The following RBM11 variants were observed in gnomAD, a reference collection of about 807,000 sequenced individuals.
RBM11 encodes splicing regulator RBM11.
Under a neutral mutation model 21.4 loss-of-function variants are expected in RBM11, and 18 were observed. The ratio of observed to expected loss-of-function variants is 0.84; its 90% CI spans 0.58 to 1.25. The LOEUF is 1.25. RBM11 is among the 50% of genes most tolerant of loss of function. The probability of loss-of-function intolerance (pLI) is 0.00; values close to 1 mark genes in which losing one functional copy is unlikely to be tolerated. For synonymous variants in RBM11, 120 were observed against 116.3 expected (o/e 1.03, Z -0.20); for missense variants, 294 against 331.9 (o/e 0.89, Z 0.89).
At chr21:14,225,911 C>T (rs1423541991) in intron 4 of RBM11, among the ~76,000 whole-genome samples, 3 of 151,920 alleles carry the variant, frequency 2.0e-5, no homozygotes, top group East Asian at 1.9e-4. Flanking sequence ...AATATGGGGG[C>T]AATTTGCCAC....
At chr21:14,217,396 G>A (rs890238728) in intron 1 of RBM11, among the ~76,000 whole-genome samples, 1 of 152,102 alleles carries the variant, frequency 6.6e-6, no homozygotes, top group Non-Finnish European at 1.5e-5. Flanking sequence ...GGAAAGTTCC[G>A]AGGGAGGCAA....
At position 14,228,058 on chromosome 21, in the gene RBM11, G is replaced by C. The variant is rs1464343013; in HGVS notation, c.*765G>C. 3 of 152,146 alleles carry C rather than the reference G, an allele frequency of 2.0e-5. No homozygotes were observed. The highest frequency in any genetic ancestry group is 2.9e-5 in the Non-Finnish European group (2 of 68,020). The allele number at this position is 152,146 out of a possible 1,614,324, so 9.4% of individuals were successfully genotyped here. On this transcript the variant is annotated 3_prime_UTR_variant, in exon 5 of 5. Coordinates refer to ENST00000400577, the MANE Select transcript of RBM11 (RefSeq NM_144770.5). ...ATATTAACATTTAAATCATGAAAAT[G>C]AGCAAGTAAATAGAATAATATTTTA...
Position 14,225,970 on chromosome 21 carries a change from AT to A in RBM11, c.433-907del, listed in dbSNP as rs774558056. The stretch of plus-strand genomic sequence containing the variant: ...TTAAAATTTTATTTAATTTTAATTA[AT>A]TTAAATTAAAATTTAAAACCGATAC... On this transcript the variant is annotated intron_variant, in intron 4 of 4. Transcript: ENST00000400577. Among the ~76,000 whole-genome samples the A allele has an allele frequency of 3.9e-5, 6 of 152,116 alleles. No homozygotes were observed. In the East Asian group the frequency reaches 1.2e-3, roughly 29 times the overall value.
intron 4 of RBM11, among the ~76,000 whole-genome samples, chr21:14,226,665 C>A (rs1979113954): frequency 1.3e-5 from 2 of 151,410 alleles, no homozygotes; most frequent in Admixed American, 1.3e-4. Flanking sequence ...TTGGATAGCA[C>A]TAATCTATAT....
intron 3 of RBM11, 136 bp downstream of exon 3, chr21:14,221,305 C>A: frequency 9.4e-7 from 1 of 1,064,808 alleles, no homozygotes; most frequent in Non-Finnish European, 1.2e-6. Flanking sequence ...CTTTTTTTTC[C>A]GAGCCCATGA....
chr21:14,221,191 A>G, intron 3 of RBM11, 22 bp downstream of exon 3: 2 of 1,527,938 alleles, frequency 1.3e-6, no homozygotes, highest in Non-Finnish European at 1.8e-6. Context: ...AATATTTCTC[A>G]TCAAAGGTAA....
chr21:14,226,634 AAC>A (rs1555870114), intron 4 of RBM11, among the ~76,000 whole-genome samples: 8 of 149,906 alleles, frequency 5.3e-5, no homozygotes, highest in East Asian at 1.9e-4. Context: ...AAAAAAAAAA[AAC>A]AAACAAAAAC....
chr21:14,222,905 G>C (rs384358), intron 3 of RBM11, among the ~76,000 whole-genome samples: 9 of 151,316 alleles, frequency 5.9e-5, no homozygotes, highest in African/African-American at 9.7e-5. Context: ...TAGCATAAAG[G>C]GGGGGAAGCA....
intron 1 of RBM11, among the ~76,000 whole-genome samples, chr21:14,216,701 C>G (rs1355026803): frequency 1.3e-5 from 2 of 152,068 alleles, no homozygotes; most frequent in Non-Finnish European, 2.9e-5. Context: ...TCCTTCAAGC[C>G]CTTTTATGCG....
At position 14,221,188 on chromosome 21, in the gene RBM11, CT is replaced by C. The variant is rs1425482496; in HGVS notation, c.332+20del. ...ACTACAGGTAATTTTAAAAATATTT[CT>C]CATCAAAGGTAAAGCAAATATATTT... On this transcript the variant is annotated intron_variant, in intron 3 of 4. Coordinates refer to ENST00000400577, the MANE Select transcript of RBM11 (RefSeq NM_144770.5). The C allele has an allele frequency of 6.5e-7, 1 of 1,531,670 alleles. No homozygotes were observed. The highest frequency in any genetic ancestry group is 8.8e-7 in the Non-Finnish European group (1 of 1,140,796). The allele number at this position is 1,531,670 out of a possible 1,614,324, so 94.9% of individuals were successfully genotyped here.
rs990719911 is a variant in RBM11 at position 14,219,501 on chromosome 21, CTTAT to C, written c.97-59_97-56del. On this transcript the variant is annotated intron_variant, in intron 1 of 4. Transcript: ENST00000400577. Reference sequence around the variant, plus strand: ...TTTCTTTAGTCTAAAGTTGAATTTACTTATTTGAGTATAAAAAAAATCTTTGGAT... The same window carrying C: ...TTTCTTTAGTCTAAAGTTGAATTTACTTGAGTATAAAAAAAATCTTTGGAT... 8.7e-6 allele frequency: 11 copies of C among 1,264,988 alleles called. No homozygotes were observed. In the African/African-American group the frequency reaches 1.5e-4, roughly 17 times the overall value. The allele number at this position is 1,264,988 out of a possible 1,614,324, so 78.4% of individuals were successfully genotyped here. A position where few individuals can be genotyped will look rare whatever the true frequency, so the allele number is the denominator to read the frequency against.
At chr21:14,226,157 C>T (rs1039175278) in intron 4 of RBM11, among the ~76,000 whole-genome samples, 4 of 151,450 alleles carry the variant, frequency 2.6e-5, no homozygotes, top group African/African-American at 9.7e-5. Context: ...ATAAAATACA[C>T]CTCATATTTT....
At chr21:14,219,843 C>A in intron 2 of RBM11, 118 bp downstream of exon 2, 2 of 751,104 alleles carry the variant, frequency 2.7e-6, no homozygotes, top group Non-Finnish European at 3.8e-6. Context: ...TACCTTCTAC[C>A]TTCTGGTCAT....
chr21:14,225,544 A>C (rs1239579124), intron 4 of RBM11, among the ~76,000 whole-genome samples: 1 of 152,204 alleles, frequency 6.6e-6, no homozygotes, highest in Non-Finnish European at 1.5e-5. Context: ...CTTCTGATTC[A>C]CAGACTATTA....
At chr21:14,224,344 C>T in intron 3 of RBM11, 94 bp from the exon 4 acceptor site, 1 of 1,462,960 alleles carries the variant, frequency 6.8e-7, no homozygotes, top group Non-Finnish European at 9.0e-7. Context: ...AACTTTGCAT[C>T]CCCTGAGGAA....
rs1979265112 is a variant in RBM11 at position 14,228,128 on chromosome 21, A to G, written c.*835A>G. 1 of 152,088 alleles carries G rather than the reference A, an allele frequency of 6.6e-6. No homozygotes were observed. The highest frequency in any genetic ancestry group is 1.5e-5 in the Non-Finnish European group (1 of 68,020). 9.4% of individuals were successfully genotyped at this position (152,088 alleles called of 1,614,324 possible). A position where few individuals can be genotyped will look rare whatever the true frequency, so the allele number is the denominator to read the frequency against. On this transcript the variant is annotated 3_prime_UTR_variant, in exon 5 of 5. Transcript: ENST00000400577. Reference sequence around the variant, plus strand: ...ACTTATTGTCTAAATCAAGTTTCCTATTTTTGGTTTATTTATTTTAGAAGA... The same window carrying G: ...ACTTATTGTCTAAATCAAGTTTCCTGTTTTTGGTTTATTTATTTTAGAAGA...
At chr21:14,222,154 A>T (rs1291293384) in intron 3 of RBM11, among the ~76,000 whole-genome samples, 1 of 152,036 alleles carries the variant, frequency 6.6e-6, no homozygotes, top group Non-Finnish European at 1.5e-5. Flanking sequence ...TGGTTAACTT[A>T]CACAGGCTGA....
chr21:14,219,680 G>A lies in RBM11; in HGVS notation c.214G>A (p.Gly72Arg), dbSNP rs1978493967. Residue 72 changes from glycine to arginine, a missense_variant, in exon 2 of 5, where the codon GGA becomes AGA. Coordinates refer to ENST00000400577, the MANE Select transcript of RBM11 (RefSeq NM_144770.5). ...GTCTTATGCCATAGCTTTGCTGAAT[G>A]GAATTCGTTTATATGGAAGACCAAT... ...SVSYAIALLN[G>R]IRLYGRPINV... The A allele has an allele frequency of 1.4e-5, 22 of 1,607,436 alleles. No homozygotes were observed. The highest frequency in any genetic ancestry group is 1.8e-5 in the Non-Finnish European group (21 of 1,175,556).
rs1979259222 is a variant in RBM11 at position 14,228,070 on chromosome 21, A to G, written c.*777A>G. ...AAATCATGAAAATGAGCAAGTAAATAGAATAATATTTTATTAATGTATGAT... is the reference window on the plus strand; with the variant it reads ...AAATCATGAAAATGAGCAAGTAAATGGAATAATATTTTATTAATGTATGAT... On this transcript the variant is annotated 3_prime_UTR_variant, in exon 5 of 5. Transcript: ENST00000400577. The G allele has an allele frequency of 6.6e-6, 1 of 152,210 alleles. No individual in the cohort carries two copies. Among genetic ancestry groups the G allele is most frequent in the Non-Finnish European group, 1.5e-5 (1 of 68,022 alleles). The allele number at this position is 152,210 out of a possible 1,614,324, so 9.4% of individuals were successfully genotyped here.
Sources: gnomAD v4.1 joint callset for allele counts (sites outside exome capture counted in the v4.1 genomes callset) on GRCh38, gnomAD v4.1.1 for gene constraint, MANE v1.5 for transcripts, NCBI Gene and HGNC (gene_info 2026-07-23, HGNC 2026-07-21) for gene names.